Variants in GRAMD1C observed in about 807,000 individuals in gnomAD.
The protein encoded by GRAMD1C is protein Aster-C.
In GRAMD1C, 89 loss-of-function variants were observed where a neutral mutation model predicts 97.8. That is an observed-to-expected ratio of 0.91 (90% confidence interval 0.77 to 1.09). The LOEUF (loss-of-function observed/expected upper bound fraction) is 1.09. Ranked by LOEUF, GRAMD1C falls within the 50% of genes least tolerant of loss-of-function variation. The pLI, the probability that GRAMD1C is intolerant of heterozygous loss-of-function variation, is 0.00. For synonymous variants in GRAMD1C, 256 were observed against 267.0 expected, an observed-to-expected ratio of 0.96 and a Z score of 0.40; for missense variants, 740 against 766.4, an observed-to-expected ratio of 0.97 and a Z score of 0.41.
At chr3:113,900,667 C>A (rs1257688743) in intron 6 of GRAMD1C, among the ~76,000 whole-genome samples, 1 of 151,408 alleles carries the variant, frequency 6.6e-6, no homozygotes, top group African/African-American at 2.4e-5. Context: ...ACCTCGTGAT[C>A]TGCCTGCCTC....
intron 3 of GRAMD1C, among the ~76,000 whole-genome samples, chr3:113,873,588 A>T (rs1244276212): frequency 6.6e-6 from 1 of 151,918 alleles, no homozygotes; most frequent in African/African-American, 2.4e-5. Flanking sequence ...GCATGATCTC[A>T]GCTCACTGTA....
chr3:113,940,311 G>C lies in GRAMD1C; in HGVS notation c.1874G>C (p.Gly625Ala). The change falls in exon 17 of 18, where the codon GGA becomes GCA. Residue 625 changes from glycine to alanine, a missense_variant. Gly to Ala is a moderately conservative substitution (Grantham distance 60). Coordinates refer to ENST00000358160, the MANE Select transcript of GRAMD1C (RefSeq NM_017577.5). ...AAAGATCAGGCCCATCGTTTAAAGG[G>C]AGTGCTCCGAGACTCCATAGTGATG... Reference protein sequence around the residue: ...KNKDQAHRLKGVLRDSIVMLE... With the variant: ...KNKDQAHRLKAVLRDSIVMLE... 1 of 1,604,848 alleles carries C rather than the reference G, an allele frequency of 6.2e-7. No individual in the cohort carries two copies. The highest frequency in any genetic ancestry group is 1.3e-5 in the African/African-American group (1 of 74,846).
chr3:113,890,743 G>A lies in GRAMD1C; in HGVS notation c.540+7911G>A, dbSNP rs577965947. On this transcript the variant is annotated intron_variant, in intron 6 of 17. Coordinates refer to ENST00000358160, the MANE Select transcript of GRAMD1C (RefSeq NM_017577.5). ...TGAATGTCCTTCCAATGTCACATTT[G>A]TGCTTATCACACACATGTGAGTTGG... 1.8e-4 allele frequency: 123 copies of A among 700,316 alleles called. No homozygotes were observed. In the African/African-American group the frequency reaches 1.8e-3, roughly 10 times the overall value. The allele number at this position is 700,316 out of a possible 1,614,324, so 43.4% of individuals were successfully genotyped here.
chr3:113,841,285 CTTTTT>C (rs772233296), intron 1 of GRAMD1C, among the ~76,000 whole-genome samples: 1 of 94,338 alleles, frequency 1.1e-5, no homozygotes, highest in Non-Finnish European at 2.0e-5. Flanking sequence ...TTCTTTCTTT[CTTTTT>C]TTTTTTTTTT....
At chr3:113,918,784 C>T (rs1158749864) in intron 10 of GRAMD1C, among the ~76,000 whole-genome samples, 1 of 152,210 alleles carries the variant, frequency 6.6e-6, no homozygotes, top group East Asian at 1.9e-4. Flanking sequence ...TAGCCTCGAC[C>T]TCCTGGGCTC....
chr3:113,902,773 A>G (rs1387338958), intron 7 of GRAMD1C, among the ~76,000 whole-genome samples: 1 of 151,250 alleles, frequency 6.6e-6, no homozygotes, highest in Non-Finnish European at 1.5e-5. Flanking sequence ...CAGCCTCCCA[A>G]GTAGCTGGGA....
Position 113,938,047 on chromosome 3 carries a change from A to G in GRAMD1C, c.1634-39A>G, listed in dbSNP as rs576027522. 3.5e-6 allele frequency: 4 copies of G among 1,131,786 alleles called. No homozygotes were observed. The East Asian group carries it at 7.4e-5, about 21-fold the overall frequency. The allele number at this position is 1,131,786 out of a possible 1,614,324, so 70.1% of individuals were successfully genotyped here. On this transcript the variant is annotated intron_variant, in intron 14 of 17. Coordinates refer to ENST00000358160, the MANE Select transcript of GRAMD1C (RefSeq NM_017577.5). ...AAAATTTGGATCAGTTGTAATCACA[A>G]TTCTCATTCTAATGCAGCCTTTTTC...
chr3:113,882,761 A>C lies in GRAMD1C; in HGVS notation c.469A>C (p.Thr157Pro). Reference sequence around the variant, plus strand: ...TTATTTTTCTTTGCAGTTTTTCTTCACATCTTTTGGTGCCAGGGATAGAAG... The same window carrying C: ...TTATTTTTCTTTGCAGTTTTTCTTCCCATCTTTTGGTGCCAGGGATAGAAG... ...IVTESEKFFFTSFGARDRSYL... is the reference protein window; with the variant it reads ...IVTESEKFFFPSFGARDRSYL... Residue 157 changes from threonine to proline, a missense_variant, in exon 6 of 18, where the codon ACA becomes CCA. Physicochemically the swap from Thr to Pro is conservative, Grantham distance 38. Coordinates refer to ENST00000358160, the MANE Select transcript of GRAMD1C (RefSeq NM_017577.5). 6.3e-7 allele frequency: 1 copy of C among 1,575,266 alleles called. No homozygotes were observed. Among genetic ancestry groups the C allele is most frequent in the Non-Finnish European group, 8.7e-7 (1 of 1,144,968 alleles).
Position 113,873,669 on chromosome 3 carries a change from C to G in GRAMD1C, c.260-1815C>G, listed in dbSNP as rs568928629. On this transcript the variant is annotated intron_variant, in intron 3 of 17. Coordinates refer to ENST00000358160, the MANE Select transcript of GRAMD1C (RefSeq NM_017577.5). Reference sequence around the variant, plus strand: ...GAGTAGCTGGAATTACAGGTGCCCGCCACCATACCTGGCTAATTTTTGTAT... The same window carrying G: ...GAGTAGCTGGAATTACAGGTGCCCGGCACCATACCTGGCTAATTTTTGTAT... Among the ~76,000 whole-genome samples the G allele has an allele frequency of 5.3e-5, 8 of 152,218 alleles. 1 individual carries two copies. The South Asian group carries it at 1.7e-3, about 32-fold the overall frequency.
At chr3:113,851,892 G>A (rs1038583119) in intron 2 of GRAMD1C, among the ~76,000 whole-genome samples, 10 of 147,628 alleles carry the variant, frequency 6.8e-5, no homozygotes, top group Admixed American at 4.1e-4. Context: ...TATTTGAGGT[G>A]CAGTCTCACT....
At chr3:113,932,362 C>G (rs538763958) in intron 11 of GRAMD1C, among the ~76,000 whole-genome samples, 7 of 152,040 alleles carry the variant, frequency 4.6e-5, no homozygotes, top group East Asian at 1.9e-4. Context: ...ACTTTGGAAG[C>G]CCCCCCAACC....
intron 17 of GRAMD1C, 64 bp downstream of exon 17, chr3:113,940,409 T>C: frequency 1.1e-6 from 1 of 903,456 alleles, no homozygotes; most frequent in East Asian, 2.4e-5. Context: ...GTTGCTCTTC[T>C]GTGTATGAGA....
chr3:113,857,438 C>A (rs1173398061), intron 2 of GRAMD1C, among the ~76,000 whole-genome samples: 1 of 150,568 alleles, frequency 6.6e-6, no homozygotes, highest in East Asian at 2.0e-4. Flanking sequence ...TGCAGTGACA[C>A]GATCTTGGCT....
chr3:113,908,560 T>C (rs1467511784), intron 8 of GRAMD1C, among the ~76,000 whole-genome samples: 2 of 152,126 alleles, frequency 1.3e-5, no homozygotes, highest in East Asian at 1.9e-4. Flanking sequence ...TTTTCTTCCT[T>C]GAGATGATGG....
chr3:113,915,274 T>C (rs1205679239), intron 9 of GRAMD1C, among the ~76,000 whole-genome samples: 1 of 152,230 alleles, frequency 6.6e-6, no homozygotes, highest in Non-Finnish European at 1.5e-5. Flanking sequence ...TAGCCATTGA[T>C]AAATTAATAT....
chr3:113,890,673 A>C, intron 6 of GRAMD1C: 1 of 674,370 alleles, frequency 1.5e-6, no homozygotes, highest in Non-Finnish European at 2.7e-6. Context: ...TCATTCTAGC[A>C]AGGCACCAGC....
intron 6 of GRAMD1C, among the ~76,000 whole-genome samples, chr3:113,895,759 C>A (rs182611026): frequency 6.6e-5 from 10 of 152,256 alleles, no homozygotes; most frequent in Admixed American, 6.5e-4. Context: ...GTGAGCTACA[C>A]CGCCTTCTAC....
chr3:113,944,009 TTCTC>T (rs1937940776), intron 17 of GRAMD1C, among the ~76,000 whole-genome samples: 1 of 152,250 alleles, frequency 6.6e-6, no homozygotes, highest in African/African-American at 2.4e-5. Context: ...TTCTCTTTCC[TTCTC>T]TATTACTCTC....
intron 2 of GRAMD1C, among the ~76,000 whole-genome samples, chr3:113,857,783 A>G (rs750033289): frequency 2.0e-5 from 3 of 152,208 alleles, no homozygotes; most frequent in Admixed American, 6.5e-5. Flanking sequence ...AAGCATGTCA[A>G]TATGGTGGGT....
Sources: gnomAD v4.1 joint callset for allele counts (sites outside exome capture counted in the v4.1 genomes callset) on GRCh38, gnomAD v4.1.1 for gene constraint, MANE v1.5 for transcripts, NCBI Gene and HGNC (gene_info 2026-07-23, HGNC 2026-07-21) for gene names.